Variants in MCUB observed in about 807,000 individuals in gnomAD.
The protein encoded by MCUB is calcium uniporter regulatory subunit MCUb, mitochondrial.
In MCUB, 46 loss-of-function variants were observed where a neutral mutation model predicts 41.4. The observed-to-expected ratio is 1.11, with a 90% CI of 0.88 to 1.42. MCUB has a LOEUF of 1.42. Among genes scored for constraint, MCUB ranks in the 40% most tolerant of loss-of-function variants. The pLI is 0.00. For missense variants in MCUB, 403 were observed against 404.9 expected (o/e 1.00, Z 0.04); for synonymous variants, 148 against 148.2 (o/e 1.00, Z 0.01).
At chr4:109,677,079 C>A (rs961287141) in intron 4 of MCUB, among the ~76,000 whole-genome samples, 1 of 152,226 alleles carries the variant, frequency 6.6e-6, no homozygotes, top group African/African-American at 2.4e-5. Context: ...TTTTGAGGAC[C>A]TAACCCCTGC....
At chr4:109,631,736 T>C (rs1728478417) in intron 1 of MCUB, among the ~76,000 whole-genome samples, 1 of 152,192 alleles carries the variant, frequency 6.6e-6, no homozygotes, top group Non-Finnish European at 1.5e-5. Flanking sequence ...GGGGAGACAA[T>C]GCATGGTGGC....
intron 1 of MCUB, among the ~76,000 whole-genome samples, chr4:109,626,357 G>A (rs1161759792): frequency 1.8e-4 from 27 of 152,158 alleles, no homozygotes; most frequent in Admixed American, 1.6e-3. Context: ...CTTTATAGAA[G>A]AGATTTAGTA....
At chr4:109,627,010 AAAG>A (rs1173217397) in intron 1 of MCUB, among the ~76,000 whole-genome samples, 2 of 152,206 alleles carry the variant, frequency 1.3e-5, no homozygotes, top group African/African-American at 2.4e-5. Context: ...TAAATAGAAC[AAAG>A]AAGGACAAAA....
chr4:109,563,095 T>G (rs1406170009), intron 1 of MCUB, among the ~76,000 whole-genome samples: 2 of 152,238 alleles, frequency 1.3e-5, no homozygotes, highest in African/African-American at 4.8e-5. Flanking sequence ...GATGTTTCTG[T>G]GCACAAAGAC....
At chr4:109,623,087 G>T (rs1392221880) in intron 1 of MCUB, among the ~76,000 whole-genome samples, 1 of 152,156 alleles carries the variant, frequency 6.6e-6, no homozygotes, top group East Asian at 1.9e-4. Context: ...CATGAAGACG[G>T]CAAGGGATTA....
rs768311584 is a variant in MCUB, at chr4:109,687,603, T to G, written c.*11T>G. 5 of 1,567,804 alleles carry G rather than the reference T, an allele frequency of 3.2e-6. No individual in the cohort carries two copies. The highest frequency in any genetic ancestry group is 1.7e-5 in the Admixed American group (1 of 59,004). ...AATGAAAAGAATTAATCTTACAGTT[T>G]TAAATGTCGTCAGATTTTCCATTAT... On this transcript the variant is annotated 3_prime_UTR_variant, in exon 8 of 8. Transcript: ENST00000394650.
At chr4:109,583,383 A>G (rs537237807) in intron 1 of MCUB, among the ~76,000 whole-genome samples, 1 of 152,176 alleles carries the variant, frequency 6.6e-6, no homozygotes, top group South Asian at 2.1e-4. Flanking sequence ...GGTGTATAGG[A>G]ATGCTGGTGA....
intron 1 of MCUB, chr4:109,648,476 T>C (rs1284115919): frequency 6.1e-6 from 2 of 330,052 alleles, no homozygotes; most frequent in Non-Finnish European, 1.2e-5. Flanking sequence ...GTTTCTGTTC[T>C]GTTTCAGTCA....
intron 4 of MCUB, among the ~76,000 whole-genome samples, chr4:109,669,071 G>A (rs867392828): frequency 3.3e-5 from 5 of 152,008 alleles, no homozygotes; most frequent in Middle Eastern, 6.8e-3. Flanking sequence ...GATCAATTAA[G>A]AATAATAAAA....
chr4:109,603,170 G>A (rs981640855), intron 1 of MCUB, among the ~76,000 whole-genome samples: 2 of 152,146 alleles, frequency 1.3e-5, no homozygotes, highest in Admixed American at 6.5e-5. Flanking sequence ...GTACTGACAC[G>A]ATCTCGGCTC....
intron 1 of MCUB, among the ~76,000 whole-genome samples, chr4:109,597,736 A>ACC (rs546760322): frequency 9.6e-5 from 12 of 124,432 alleles, no homozygotes; most frequent in African/African-American, 4.3e-4. Flanking sequence ...CGGGGGGCTG[A>ACC]CCCCCCCACC....
chr4:109,653,878 G>T (rs967021972), intron 1 of MCUB, among the ~76,000 whole-genome samples: 1 of 152,002 alleles, frequency 6.6e-6, no homozygotes, highest in Non-Finnish European at 1.5e-5. Flanking sequence ...CCCAGCCTAA[G>T]ATGGGCTTTT....
intron 1 of MCUB, among the ~76,000 whole-genome samples, chr4:109,586,673 C>A (rs376028665): frequency 2.6e-5 from 4 of 152,124 alleles, no homozygotes; most frequent in Non-Finnish European, 5.9e-5. Context: ...TGATGCTATT[C>A]CTTTCTGTTT....
intron 1 of MCUB, among the ~76,000 whole-genome samples, chr4:109,588,273 T>C (rs1727354030): frequency 6.6e-6 from 1 of 152,234 alleles, no homozygotes; most frequent in Non-Finnish European, 1.5e-5. Context: ...AATGACACGC[T>C]GAAGTGAGAG....
intron 1 of MCUB, among the ~76,000 whole-genome samples, chr4:109,607,051 GTTA>G (rs1247544691): frequency 1.3e-5 from 2 of 151,692 alleles, no homozygotes; most frequent in East Asian, 2.0e-4. Flanking sequence ...CTGGTCCATA[GTTA>G]TTATTTTTTA....
intron 1 of MCUB, among the ~76,000 whole-genome samples, chr4:109,569,955 T>C (rs1726875857): frequency 6.6e-6 from 1 of 152,166 alleles, no homozygotes; most frequent in African/African-American, 2.4e-5. Flanking sequence ...AGAATGGTAA[T>C]CCATGGTTAA....
chr4:109,573,617 T>C (rs73838815), intron 1 of MCUB, among the ~76,000 whole-genome samples: 2,010 of 152,240 alleles, frequency 0.013, 40 homozygotes, highest in African/African-American at 0.045. Flanking sequence ...CACTCATGAA[T>C]GATGGATTCT....
intron 1 of MCUB, among the ~76,000 whole-genome samples, chr4:109,562,356 A>G (rs1352033367): frequency 1.3e-5 from 2 of 152,236 alleles, no homozygotes; most frequent in Admixed American, 6.5e-5. Context: ...GTCCAGCTAT[A>G]AAGACAATTT....
At chr4:109,592,809 T>C (rs1424924395) in intron 1 of MCUB, among the ~76,000 whole-genome samples, 2 of 152,228 alleles carry the variant, frequency 1.3e-5, no homozygotes, top group African/African-American at 4.8e-5. Flanking sequence ...TAACTCATAC[T>C]TCTATAAAGA....
Sources: gnomAD v4.1 joint callset for allele counts (sites outside exome capture counted in the v4.1 genomes callset) on GRCh38, gnomAD v4.1.1 for gene constraint, MANE v1.5 for transcripts, NCBI Gene and HGNC (gene_info 2026-07-23, HGNC 2026-07-21) for gene names.